Variants in CNGB3 observed in about 807,000 individuals in gnomAD.
CNGB3 encodes the protein cyclic nucleotide-gated channel beta-3.
CNGB3 carries 86 observed loss-of-function variants against 92.8 expected under a neutral mutation model. The observed-to-expected ratio is 0.93, with a 90% confidence interval of 0.78 to 1.11. The LOEUF (loss-of-function observed/expected upper bound fraction) is 1.11, where lower values mean the gene tolerates loss of function less well. Among genes scored for constraint, CNGB3 ranks in the 50% least tolerant of loss-of-function variants. The pLI is 0.00. For missense variants in CNGB3, 1,026 were observed against 956.8 expected, an observed-to-expected ratio of 1.07 and a Z score of -0.95; for synonymous variants, 333 against 332.7, an observed-to-expected ratio of 1.00 and a Z score of -0.01.
intron 15 of CNGB3, among the ~76,000 whole-genome samples, chr8:86,602,964 A>T (rs1019598260): frequency 6.6e-6 from 1 of 152,060 alleles, no homozygotes; most frequent in Non-Finnish European, 1.5e-5. Context: ...TATTCACTGT[A>T]CTCCAGCCAT....
chr8:86,618,090 G>A (rs1310183849), intron 13 of CNGB3, among the ~76,000 whole-genome samples: 1 of 152,116 alleles, frequency 6.6e-6, no homozygotes, highest in East Asian at 1.9e-4. Context: ...CTAGATCCCC[G>A]CATGCATAGT....
chr8:86,613,190 T>A (rs1393619990), intron 13 of CNGB3, among the ~76,000 whole-genome samples: 1 of 152,222 alleles, frequency 6.6e-6, no homozygotes, highest in Non-Finnish European at 1.5e-5. Flanking sequence ...CTTTGGCTGC[T>A]ATGTATTTGC....
intron 3 of CNGB3, among the ~76,000 whole-genome samples, chr8:86,695,166 GGCGCCTGC>G (rs1208031798): frequency 6.6e-6 from 1 of 152,006 alleles, no homozygotes; most frequent in African/African-American, 2.4e-5. Flanking sequence ...GCGTGGCGGT[GGCGCCTGC>G]AATCGCAGGC....
chr8:86,691,205 A>T (rs1232154509), intron 3 of CNGB3, among the ~76,000 whole-genome samples: 1 of 152,092 alleles, frequency 6.6e-6, no homozygotes, highest in African/African-American at 2.4e-5. Flanking sequence ...AGTGCTGCTG[A>T]TTTGTGTACA....
chr8:86,668,681 A>G (rs1025106201), intron 4 of CNGB3, among the ~76,000 whole-genome samples: 1 of 115,384 alleles, frequency 8.7e-6, no homozygotes, highest in African/African-American at 3.6e-5. Flanking sequence ...AATAAATGTT[A>G]ATAAATTTTT....
At chr8:86,684,970 A>G (rs1212557552) in intron 3 of CNGB3, among the ~76,000 whole-genome samples, 1 of 152,066 alleles carries the variant, frequency 6.6e-6, no homozygotes, top group African/African-American at 2.4e-5. Flanking sequence ...ACACAAACAC[A>G]CACGCATGGA....
intron 12 of CNGB3, among the ~76,000 whole-genome samples, chr8:86,628,713 C>T (rs890887571): frequency 6.6e-6 from 1 of 151,794 alleles, no homozygotes; most frequent in Non-Finnish European, 1.5e-5. Flanking sequence ...TAAAATTTAG[C>T]CTTTTCTCTT....
At chr8:86,704,403 C>G (rs1439081539) in intron 3 of CNGB3, 1 of 152,032 alleles carries the variant, frequency 6.6e-6, no homozygotes, top group Non-Finnish European at 1.5e-5. Context: ...CTAGGGTCAA[C>G]TGAATTAAAG....
intron 15 of CNGB3, chr8:86,594,603 G>T: frequency 4.1e-6 from 1 of 241,730 alleles, no homozygotes; most frequent in Non-Finnish European, 8.2e-6. Flanking sequence ...GGGATGCAAA[G>T]CGCAGGGCAG....
At chr8:86,725,034 C>T (rs1038083458) in intron 3 of CNGB3, among the ~76,000 whole-genome samples, 2 of 152,118 alleles carry the variant, frequency 1.3e-5, no homozygotes, top group Admixed American at 6.6e-5. Flanking sequence ...TCCACTTCCA[C>T]ATTTCAGAAG....
chr8:86,662,588 C>T (rs1823663222), intron 6 of CNGB3, among the ~76,000 whole-genome samples: 1 of 152,166 alleles, frequency 6.6e-6, no homozygotes, highest in African/African-American at 2.4e-5. Flanking sequence ...CTGCGATAGC[C>T]AGGTGGGAGG....
At chr8:86,695,169 G>A (rs924794935) in intron 3 of CNGB3, among the ~76,000 whole-genome samples, 17 of 151,668 alleles carry the variant, frequency 1.1e-4, no homozygotes, top group South Asian at 2.1e-4. Flanking sequence ...TGGCGGTGGC[G>A]CCTGCAATCG....
rs779921879 is a variant in CNGB3, at chr8:86,643,728, T to C, written c.1178+23A>G. On this transcript the variant is annotated intron_variant, in intron 10 of 17. Coordinates refer to ENST00000320005, the MANE Select transcript of CNGB3 (RefSeq NM_019098.5). ...GAATGTTAAAAATAATCAATAAAGG[T>C]TTCTTTCAAAATCAGAACTTACTCG... 3.1e-6 allele frequency: 5 copies of C among 1,601,892 alleles called. No individual in the cohort carries two copies. In the South Asian group the frequency reaches 5.5e-5, roughly 18 times the overall value.
intron 15 of CNGB3, among the ~76,000 whole-genome samples, chr8:86,595,767 A>G (rs909345958): frequency 6.6e-6 from 1 of 152,210 alleles, no homozygotes; most frequent in Non-Finnish European, 1.5e-5. Flanking sequence ...CCAAAGACCT[A>G]AAAGTCTCCT....
intron 15 of CNGB3, among the ~76,000 whole-genome samples, chr8:86,584,668 T>C (rs955202497): frequency 1.3e-5 from 2 of 151,942 alleles, no homozygotes; most frequent in African/African-American, 4.8e-5. Context: ...CAGCCCCACA[T>C]AGAGTTTCTG....
chr8:86,688,786 T>A (rs1049507063), intron 3 of CNGB3, among the ~76,000 whole-genome samples: 10 of 151,994 alleles, frequency 6.6e-5, no homozygotes, highest in East Asian at 1.9e-4. Flanking sequence ...GGTCTTTTTT[T>A]AAAAAATTCT....
intron 11 of CNGB3, among the ~76,000 whole-genome samples, chr8:86,632,227 A>C (rs1250386395): frequency 6.7e-6 from 1 of 149,986 alleles, no homozygotes; most frequent in African/African-American, 2.5e-5. Context: ...AAAGGGCTCT[A>C]TCCTTTGTAA....
In CNGB3 at chr8:86,668,115, G is replaced by A. The variant is rs1222298434; in HGVS notation, c.547C>T (p.His183Tyr). ...VKESDDKPTE[H>Y]YYRLLWFKVK... ...TTGAACCACAACAGCCTGTAGTAAT[G>A]TTCTGTTGGCTTATCATCGCTTTCT... Residue 183 changes from histidine to tyrosine, a missense_variant, in exon 5 of 18, where the codon CAT becomes TAT. Coordinates refer to ENST00000320005, the MANE Select transcript of CNGB3 (RefSeq NM_019098.5). The A allele has an allele frequency of 1.9e-6, 3 of 1,613,388 alleles. No homozygotes were observed. The highest frequency in any genetic ancestry group is 1.7e-5 in the Admixed American group (1 of 59,932).
intron 15 of CNGB3, among the ~76,000 whole-genome samples, chr8:86,584,618 C>A (rs1387245407): frequency 2.0e-5 from 3 of 151,934 alleles, no homozygotes; most frequent in Admixed American, 1.3e-4. Flanking sequence ...CAGCATTCCA[C>A]CCATGGAAAG....
Sources: gnomAD v4.1 joint callset for allele counts (sites outside exome capture counted in the v4.1 genomes callset) on GRCh38, gnomAD v4.1.1 for gene constraint, MANE v1.5 for transcripts, NCBI Gene and HGNC (gene_info 2026-07-23, HGNC 2026-07-21) for gene names.